The following KLHL32 variants were observed in gnomAD, a reference collection of about 807,000 sequenced individuals.
KLHL32 encodes the protein kelch like family member 32, also known as kelch-like protein 32.
Under a neutral mutation model 64.8 loss-of-function variants are expected in KLHL32, and 35 were observed. That is an observed-to-expected ratio of 0.54 (90% CI 0.41 to 0.72). The LOEUF (loss-of-function observed/expected upper bound fraction) is 0.72, where lower values mean the gene tolerates loss of function less well. Among genes scored for constraint, KLHL32 ranks in the 30% least tolerant of loss-of-function variants. The pLI, the probability that KLHL32 is intolerant of heterozygous loss-of-function variation, is 0.00. For synonymous variants in KLHL32, 259 were observed against 281.0 expected, an observed-to-expected ratio of 0.92 and a Z score of 0.78; for missense variants, 589 against 768.5, an observed-to-expected ratio of 0.77 and a Z score of 2.76.
At position 96,934,658 on chromosome 6, in the gene KLHL32, C is replaced by T. The variant is rs189750159; in HGVS notation, c.-66+9632C>T. Reference sequence around the variant, plus strand: ...TGTGTATAACTAATTAGGCGGATTGCTGCAGAGAGCAGCTAATATCCTCAT... The same window carrying T: ...TGTGTATAACTAATTAGGCGGATTGTTGCAGAGAGCAGCTAATATCCTCAT... On this transcript the variant is annotated intron_variant, in intron 1 of 10. Transcript: ENST00000369261. Among the ~76,000 whole-genome samples, 35 of 152,314 alleles carry T rather than the reference C, an allele frequency of 2.3e-4. 1 individual carries two copies. In the East Asian group the frequency reaches 6.7e-3, roughly 29 times the overall value.
Position 96,937,431 on chromosome 6 carries a change from G to A in KLHL32, c.-66+12405G>A, listed in dbSNP as rs902142655. On this transcript the variant is annotated intron_variant, in intron 1 of 10. Coordinates refer to ENST00000369261, the MANE Select transcript of KLHL32 (RefSeq NM_052904.4). ...GTGAACTTATTTGCAGATAACTAGC[G>A]TCAGGACATGGGGAAATTGGACAGA... Among the ~76,000 whole-genome samples, 13 of 152,136 alleles carry A rather than the reference G, an allele frequency of 8.5e-5. 1 individual carries two copies. The highest frequency in any genetic ancestry group is 2.7e-4 in the African/African-American group (11 of 41,420).
intron 3 of KLHL32, among the ~76,000 whole-genome samples, chr6:97,017,663 G>A (rs1781406396): frequency 6.6e-6 from 1 of 152,198 alleles, no homozygotes; most frequent in South Asian, 2.1e-4. Flanking sequence ...AGCCAATTTA[G>A]GTTTCTCTTT....
intron 7 of KLHL32, among the ~76,000 whole-genome samples, chr6:97,117,090 T>A (rs919258755): frequency 6.6e-6 from 1 of 152,182 alleles, no homozygotes; most frequent in Non-Finnish European, 1.5e-5. Context: ...CAGGCCCAGC[T>A]TATAATAAAT....
At chr6:97,110,451 C>T (rs1796967995) in intron 6 of KLHL32, among the ~76,000 whole-genome samples, 1 of 152,186 alleles carries the variant, frequency 6.6e-6, no homozygotes, top group Non-Finnish European at 1.5e-5. Context: ...AAAAGACAAG[C>T]CCAAAATGCA....
intron 10 of KLHL32, among the ~76,000 whole-genome samples, chr6:97,135,236 C>T (rs997231647): frequency 2.0e-5 from 3 of 151,470 alleles, no homozygotes; most frequent in African/African-American, 7.3e-5. Context: ...AATCCTTTGG[C>T]AAATACTGCG....
chr6:96,978,421 A>T (rs959045544), intron 3 of KLHL32, among the ~76,000 whole-genome samples: 2 of 152,112 alleles, frequency 1.3e-5, no homozygotes, highest in African/African-American at 4.8e-5. Context: ...CATGTTAGTT[A>T]GCTTAGAATA....
At chr6:96,961,624 T>C (rs1488080852) in intron 1 of KLHL32, among the ~76,000 whole-genome samples, 1 of 132,478 alleles carries the variant, frequency 7.5e-6, no homozygotes, top group Non-Finnish European at 1.7e-5. Context: ...CAGATCTACC[T>C]CTCTGAAAAT....
At chr6:97,128,142 T>C (rs1333337559) in intron 8 of KLHL32, among the ~76,000 whole-genome samples, 2 of 152,268 alleles carry the variant, frequency 1.3e-5, no homozygotes, top group Non-Finnish European at 2.9e-5. Flanking sequence ...GTAGGCTTAA[T>C]ATTCATCAGC....
chr6:96,968,787 G>A (rs1013976651), intron 2 of KLHL32, among the ~76,000 whole-genome samples: 3 of 152,030 alleles, frequency 2.0e-5, no homozygotes, highest in Non-Finnish European at 4.4e-5. Flanking sequence ...ACTTCATTGA[G>A]ACCCATCCTC....
At chr6:97,048,573 T>C (rs747396508) in intron 4 of KLHL32, among the ~76,000 whole-genome samples, 38 of 152,364 alleles carry the variant, frequency 2.5e-4, no homozygotes, top group Non-Finnish European at 5.0e-4. Flanking sequence ...TTTTTGATTG[T>C]CATTTGGTTC....
chr6:97,081,325 G>A (rs1792479237), intron 5 of KLHL32, among the ~76,000 whole-genome samples: 1 of 152,126 alleles, frequency 6.6e-6, no homozygotes, highest in Non-Finnish European at 1.5e-5. Flanking sequence ...GCCCTGGGAT[G>A]ATGGGGACAG....
chr6:97,129,990 T>C (rs181584662), intron 8 of KLHL32, among the ~76,000 whole-genome samples: 1 of 152,334 alleles, frequency 6.6e-6, no homozygotes, highest in East Asian at 1.9e-4. Flanking sequence ...TGACTGTTAA[T>C]ATATTAAAGG....
intron 7 of KLHL32, among the ~76,000 whole-genome samples, chr6:97,118,547 A>T (rs1471299786): frequency 1.5e-5 from 2 of 135,174 alleles, no homozygotes; most frequent in Non-Finnish European, 3.1e-5. Flanking sequence ...TGAACCCGGG[A>T]GGTGGAGGTT....
At chr6:97,078,511 T>C (rs1791958870) in intron 5 of KLHL32, among the ~76,000 whole-genome samples, 1 of 152,158 alleles carries the variant, frequency 6.6e-6, no homozygotes, top group Non-Finnish European at 1.5e-5. Context: ...AAATCTGTAA[T>C]CCTATTCAAT....
At chr6:97,124,231 A>G (rs1460314478) in intron 7 of KLHL32, among the ~76,000 whole-genome samples, 2 of 152,222 alleles carry the variant, frequency 1.3e-5, no homozygotes, top group Non-Finnish European at 2.9e-5. Flanking sequence ...TTGCAGCACT[A>G]GGTTTGTTAG....
At position 97,072,628 on chromosome 6, in the gene KLHL32, G is replaced by A. The variant is rs112214717; in HGVS notation, c.411+7902G>A. Among the ~76,000 whole-genome samples, 1,271 of 146,574 alleles carry A rather than the reference G, an allele frequency of 8.7e-3. 19 individuals are homozygous for A. Among genetic ancestry groups the A allele is most frequent in the African/African-American group, 0.029 (1,155 of 39,180 alleles). On this transcript the variant is annotated intron_variant, in intron 5 of 10. Coordinates refer to ENST00000369261, the MANE Select transcript of KLHL32 (RefSeq NM_052904.4). ...CTGTTCCACAGTCATTATGAACTTT[G>A]TGCATTTCCCTGTACCTAATCCTCT...
chr6:97,009,905 GA>G (rs1481923572), intron 3 of KLHL32, among the ~76,000 whole-genome samples: 1 of 152,124 alleles, frequency 6.6e-6, no homozygotes, highest in East Asian at 1.9e-4. Context: ...CATTCCCCTT[GA>G]AAAAGCTTTG....
chr6:96,919,587 T>C, the KLHL32 span, among the ~76,000 whole-genome samples: 2 of 152,070 alleles, frequency 1.3e-5, no homozygotes, highest in Non-Finnish European at 1.5e-5. Flanking sequence ...ATTTAAGCAA[T>C]TTTTTTTCTG....
In KLHL32 at chr6:97,023,096, C is replaced by T. The variant is rs547042212; in HGVS notation, c.205-18396C>T. ...CCAATCACCTCCCACCAGGTCTCTC[C>T]CTTGACATGTGGGGATTATGAGGAT... is the stretch of plus-strand genomic sequence containing the variant. On this transcript the variant is annotated intron_variant, in intron 3 of 10. Transcript: ENST00000369261. Among the ~76,000 whole-genome samples the T allele has an allele frequency of 3.3e-5, 5 of 152,270 alleles. No individual in the cohort carries two copies. In the South Asian group the frequency reaches 1.0e-3, roughly 32 times the overall value.
Sources: gnomAD v4.1 joint callset for allele counts (sites outside exome capture counted in the v4.1 genomes callset) on GRCh38, gnomAD v4.1.1 for gene constraint, MANE v1.5 for transcripts, NCBI Gene and HGNC (gene_info 2026-07-23, HGNC 2026-07-21) for gene names.